VPS13D: variants seen among roughly 807,000 people sequenced by gnomAD.
The protein encoded by VPS13D is vacuolar protein sorting 13 homolog D.
In VPS13D, 187 loss-of-function variants were observed where a neutral mutation model predicts 461.9. The observed-to-expected ratio is 0.40, with a 90% CI of 0.36 to 0.46. VPS13D has a LOEUF of 0.46. Among genes scored for constraint, VPS13D ranks in the 20% least tolerant of loss-of-function variants. The probability of loss-of-function intolerance (pLI) is 0.60; values close to 1 mark genes in which losing one functional copy is unlikely to be tolerated. For missense variants in VPS13D, 4,711 were observed against 5,364.9 expected (o/e 0.88, Z 3.81); for synonymous variants, 1,951 against 1,986.3 (o/e 0.98, Z 0.47).
At chr1:12,231,943 C>T (rs1404472427) in intron 1 of VPS13D, among the ~76,000 whole-genome samples, 1 of 152,050 alleles carries the variant, frequency 6.6e-6, no homozygotes, top group African/African-American at 2.4e-5. Context: ...AGCCGAGATC[C>T]GAGATCCCGT....
chr1:12,358,626 A>T (rs747785305), intron 50 of VPS13D, 25 bp downstream of exon 50: 1 of 1,612,118 alleles, frequency 6.2e-7, no homozygotes. Flanking sequence ...GGGCAGCGGG[A>T]CAATCAGAAC....
chr1:12,444,574 CTTGG>C (rs1645170383), intron 65 of VPS13D, among the ~76,000 whole-genome samples: 1 of 152,038 alleles, frequency 6.6e-6, no homozygotes, highest in South Asian at 2.1e-4. Context: ...TTTTCACCCC[CTTGG>C]TTTTTCTTCA....
chr1:12,249,791 CA>C (rs1226407178), intron 6 of VPS13D, among the ~76,000 whole-genome samples: 2 of 152,252 alleles, frequency 1.3e-5, no homozygotes, highest in Non-Finnish European at 2.9e-5. Context: ...ACACTCTACA[CA>C]AAAAACAACA....
At chr1:12,236,247 G>A (rs1640143848) in intron 2 of VPS13D, among the ~76,000 whole-genome samples, 1 of 152,066 alleles carries the variant, frequency 6.6e-6, no homozygotes, top group South Asian at 2.1e-4. Context: ...ATCACAGAGC[G>A]TGGCCAGAAC....
intron 35 of VPS13D, among the ~76,000 whole-genome samples, chr1:12,325,449 AG>A (rs1643156262): frequency 6.6e-6 from 1 of 152,036 alleles, no homozygotes; most frequent in East Asian, 1.9e-4. Flanking sequence ...TAGTAGAGAC[AG>A]GGTTTCCCTT....
In VPS13D at chr1:12,356,250, A is replaced by G. The variant is rs181541008; in HGVS notation, c.9872-148A>G. ...CATCATAAATGCTTAATCATGCTCA[A>G]AACTGTCTTTTTAGGCAAGAAACTG... On this transcript the variant is annotated intron_variant, in intron 48 of 69. Coordinates refer to ENST00000620676, the MANE Select transcript of VPS13D (RefSeq NM_015378.4). 2.2e-6 allele frequency: 3 copies of G among 1,391,656 alleles called. No individual in the cohort carries two copies. In the East Asian group the frequency reaches 7.5e-5, roughly 35 times the overall value. 86.2% of individuals were successfully genotyped at this position (1,391,656 alleles called of 1,614,324 possible).
chr1:12,356,047 A>G lies in VPS13D; in HGVS notation c.9828A>G (p.Leu3276=). ...TTGTGTGTCGAGCAGAAGGATCCTT[A>G]AAGATCTTCATTTCTGCTCCATATT... ...IRIVCRAEGS[L]KIFISAPYWL... is the part of the protein sequence containing the mutation. The change falls in exon 48 of 70, where the codon TTA becomes TTG. Residue 3276 remains leucine, a synonymous_variant. Coordinates refer to ENST00000620676, the MANE Select transcript of VPS13D (RefSeq NM_015378.4). The G allele has an allele frequency of 6.2e-7, 1 of 1,613,796 alleles. No homozygotes were observed. Among genetic ancestry groups the G allele is most frequent in the Non-Finnish European group, 8.5e-7 (1 of 1,179,842 alleles).
chr1:12,508,756 C>A, intron 69 of VPS13D, 137 bp from the exon 70 acceptor site: 1 of 934,072 alleles, frequency 1.1e-6, no homozygotes, highest in Non-Finnish European at 1.6e-6. Context: ...GCAGGAGCAG[C>A]CCTGGCCATC....
At chr1:12,333,609 A>G (rs1035084146) in intron 38 of VPS13D, among the ~76,000 whole-genome samples, 2 of 152,248 alleles carry the variant, frequency 1.3e-5, no homozygotes, top group African/African-American at 4.8e-5. Flanking sequence ...GGAAACGTAA[A>G]TGGCCGTGAT....
At chr1:12,406,332 C>T (rs1644653994) in intron 63 of VPS13D, among the ~76,000 whole-genome samples, 1 of 152,082 alleles carries the variant, frequency 6.6e-6, no homozygotes, top group Non-Finnish European at 1.5e-5. Context: ...GGGTACTATG[C>T]TCTTTTAGAT....
At position 12,511,857 on chromosome 1, in the gene VPS13D, CTTTG is replaced by C. The variant is rs558329779; in HGVS notation, c.*2839_*2842del. The C allele has an allele frequency of 3.9e-5, 6 of 152,198 alleles. No homozygotes were observed. Among genetic ancestry groups the C allele is most frequent in the East Asian group, 1.9e-4 (1 of 5,188 alleles). 9.4% of individuals were successfully genotyped at this position (152,198 alleles called of 1,614,324 possible). A position where few individuals can be genotyped will look rare whatever the true frequency, so the allele number is the denominator to read the frequency against. Reference sequence around the variant, plus strand: ...CAATGTTCTGAAGGCTCCAGGGCCACTTTGTTTGTAAGTATGATCTGGGCCTCAA... The same window carrying C: ...CAATGTTCTGAAGGCTCCAGGGCCACTTTGTAAGTATGATCTGGGCCTCAA... On this transcript the variant is annotated 3_prime_UTR_variant, in exon 70 of 70. Transcript: ENST00000620676. The surrounding 1 kb of genome is among the most constrained non-coding windows in gnomAD (Gnocchi z 4.5).
Position 12,296,158 on chromosome 1 carries a change from CT to C in VPS13D, c.6033+2457del, listed in dbSNP as rs544691751. ...TGAGTCCTGATGCACATACTTGAGACTTTCTCTGATCTCTGAGATACCTGGC... is the reference window on the plus strand; with the variant it reads ...TGAGTCCTGATGCACATACTTGAGACTTCTCTGATCTCTGAGATACCTGGC... On this transcript the variant is annotated intron_variant, in intron 24 of 69. Coordinates refer to ENST00000620676, the MANE Select transcript of VPS13D (RefSeq NM_015378.4). 5.9e-5 allele frequency among the ~76,000 whole-genome samples: 9 copies of C among 152,290 alleles called. No homozygotes were observed. In the East Asian group the frequency reaches 1.2e-3, roughly 20 times the overall value.
intron 67 of VPS13D, among the ~76,000 whole-genome samples, chr1:12,491,587 T>G (rs1645882295): frequency 6.6e-6 from 1 of 152,224 alleles, no homozygotes; most frequent in Non-Finnish European, 1.5e-5. Context: ...GTTACTACTC[T>G]GATCATTGGT....
intron 67 of VPS13D, among the ~76,000 whole-genome samples, chr1:12,462,278 C>A (rs1409318648): frequency 3.3e-5 from 5 of 152,152 alleles, no homozygotes; most frequent in Admixed American, 1.3e-4. Flanking sequence ...ACCTAGTGAT[C>A]AGGGGAGTTG....
At chr1:12,328,686 A>G (rs553887506) in intron 36 of VPS13D, among the ~76,000 whole-genome samples, 43 of 152,204 alleles carry the variant, frequency 2.8e-4, no homozygotes, top group African/African-American at 1.0e-3. Context: ...GATTACAGGC[A>G]TGTGCCACCA....
chr1:12,406,824 C>T (rs899248669), intron 63 of VPS13D, among the ~76,000 whole-genome samples: 1 of 152,140 alleles, frequency 6.6e-6, no homozygotes, highest in Admixed American at 6.5e-5. Flanking sequence ...TAAACGGTTT[C>T]ATGAGGTGGC....
intron 41 of VPS13D, 90 bp from the exon 42 acceptor site, chr1:12,342,809 T>A: frequency 7.0e-7 from 1 of 1,430,146 alleles, no homozygotes; most frequent in Admixed American, 2.0e-5. Flanking sequence ...AATTGAGTTG[T>A]GAGAAGGTTC....
chr1:12,329,543 A>G (rs1643276675), intron 36 of VPS13D, among the ~76,000 whole-genome samples: 1 of 152,204 alleles, frequency 6.6e-6, no homozygotes. Context: ...CACAGGCTTC[A>G]GGTACACCTG....
chr1:12,400,489 G>A (rs1216689906), intron 61 of VPS13D, among the ~76,000 whole-genome samples, 159 bp downstream of exon 61: 1 of 152,156 alleles, frequency 6.6e-6, no homozygotes, highest in African/African-American at 2.4e-5. Flanking sequence ...GGAATTGACA[G>A]GAACTCCTCC....
Sources: gnomAD v4.1 joint callset for allele counts (sites outside exome capture counted in the v4.1 genomes callset) on GRCh38, gnomAD v4.1.1 for gene constraint, Gnocchi (gnomAD v3.1) non-coding constraint, MANE v1.5 for transcripts, NCBI Gene and HGNC (gene_info 2026-07-23, HGNC 2026-07-21) for gene names.